Variants in PSD3 observed in about 807,000 individuals in gnomAD.
PSD3 encodes the protein pleckstrin and Sec7 domain containing 3.
In PSD3, 49 loss-of-function variants were observed where a neutral mutation model predicts 105.5. The ratio of observed to expected loss-of-function variants is 0.46; its 90% CI spans 0.37 to 0.59. The LOEUF is 0.59. Ranked by LOEUF, PSD3 falls within the 20% of genes least tolerant of loss-of-function variation. The probability of loss-of-function intolerance (pLI) is 0.00; values close to 1 mark genes in which losing one functional copy is unlikely to be tolerated. For synonymous variants in PSD3, 557 were observed against 457.8 expected (o/e 1.22, Z -2.77); for missense variants, 1,561 against 1,263.8 (o/e 1.24, Z -3.57).
intron 1 of PSD3, among the ~76,000 whole-genome samples, chr8:19,076,004 G>T (rs1013212634): frequency 1.3e-5 from 2 of 152,108 alleles, no homozygotes; most frequent in African/African-American, 4.8e-5. Flanking sequence ...CACAGGCTAC[G>T]AACACAAGGC....
intron 1 of PSD3, among the ~76,000 whole-genome samples, chr8:18,963,465 TTTC>T (rs2129471324): frequency 6.6e-6 from 1 of 152,338 alleles, no homozygotes; most frequent in South Asian, 2.1e-4. Flanking sequence ...TTTCTCTTTT[TTTC>T]TTATTTTATA....
chr8:18,759,448 C>T (rs1806332909), intron 9 of PSD3, among the ~76,000 whole-genome samples: 1 of 152,028 alleles, frequency 6.6e-6, no homozygotes, highest in South Asian at 2.1e-4. Flanking sequence ...ATATTTGGAA[C>T]ATTTTGTTTT....
At chr8:19,038,830 A>C (rs1292559351) in intron 1 of PSD3, among the ~76,000 whole-genome samples, 1 of 152,238 alleles carries the variant, frequency 6.6e-6, no homozygotes, top group Non-Finnish European at 1.5e-5. Context: ...TGGGCTAAGC[A>C]ATTAAAATAG....
chr8:18,841,999 C>T (rs558978812), intron 4 of PSD3, among the ~76,000 whole-genome samples: 1 of 152,280 alleles, frequency 6.6e-6, no homozygotes, highest in East Asian at 1.9e-4. Context: ...GTCACAGGAG[C>T]AGAAAGGCAG....
At chr8:18,725,011 T>A (rs1438098638) in intron 9 of PSD3, among the ~76,000 whole-genome samples, 1 of 152,176 alleles carries the variant, frequency 6.6e-6, no homozygotes, top group East Asian at 1.9e-4. Context: ...GTGAACAGAA[T>A]TCTACCATGT....
intron 9 of PSD3, among the ~76,000 whole-genome samples, chr8:18,707,064 T>C (rs982385094): frequency 2.0e-5 from 3 of 152,218 alleles, no homozygotes; most frequent in African/African-American, 7.2e-5. Flanking sequence ...TGCAATTCCA[T>C]GTTCCTATTA....
chr8:19,016,888 C>G (rs1236350554), upstream of PSD3, among the ~76,000 whole-genome samples: 1 of 152,086 alleles, frequency 6.6e-6, no homozygotes, highest in Non-Finnish European at 1.5e-5. Context: ...GACTCACTCT[C>G]TTAATAACAG....
rs138307823 is a variant in PSD3 at position 18,632,724 on chromosome 8, T to G, written c.2299A>C (p.Ile767Leu). Residue 767 changes from isoleucine to leucine, a missense_variant, in exon 11 of 16, where the codon ATT (isoleucine) becomes CTT (leucine). Ile to Leu is a conservative substitution (Grantham distance 5). Coordinates refer to ENST00000327040, the MANE Select transcript of PSD3 (RefSeq NM_015310.4). ...AAAAATGGGTTAGTAGTACTTCCAA[T>G]ACGACTGATGGTCTTTGGATGTGTT... Reference protein sequence around the residue: ...NGTHPKTISRIGSTTNPFLDI... With the variant: ...NGTHPKTISRLGSTTNPFLDI... The G allele has an allele frequency of 4.4e-6, 7 of 1,608,356 alleles. No individual in the cohort carries two copies. The highest frequency in any genetic ancestry group is 6.0e-6 in the Non-Finnish European group (7 of 1,175,166).
At chr8:19,032,575 G>A (rs1396437712) in intron 1 of PSD3, among the ~76,000 whole-genome samples, 1 of 151,128 alleles carries the variant, frequency 6.6e-6, no homozygotes, top group African/African-American at 2.4e-5. Flanking sequence ...GCTTGAGCTC[G>A]GGAGGCCAAG....
At chr8:18,842,050 G>C (rs960588177) in intron 4 of PSD3, among the ~76,000 whole-genome samples, 4 of 152,152 alleles carry the variant, frequency 2.6e-5, no homozygotes, top group African/African-American at 9.7e-5. Flanking sequence ...CAAAAACCCA[G>C]TAAGACCTCA....
chr8:19,058,601 G>A lies in PSD3; in HGVS notation c.324+25605C>T, dbSNP rs1449171587. 2.0e-5 allele frequency among the ~76,000 whole-genome samples: 3 copies of A among 151,988 alleles called. No homozygotes were observed. In the East Asian group the frequency reaches 5.8e-4, roughly 29 times the overall value. ...TGTATGATAATTTTTTTAAAAAAGT[G>A]TTGTCTACCCTACCAGCTAGGCCCA... On this transcript the variant is annotated intron_variant, in intron 1 of 1. Coordinates refer to the PSD3 transcript ENST00000521475.
chr8:18,984,143 T>G (rs1160459100), intron 1 of PSD3, among the ~76,000 whole-genome samples: 1 of 149,974 alleles, frequency 6.7e-6, no homozygotes, highest in Non-Finnish European at 1.5e-5. Flanking sequence ...AGTGGGAAAA[T>G]GATGCTGAAA....
chr8:18,716,928 T>C (rs1802638910), intron 9 of PSD3, among the ~76,000 whole-genome samples: 1 of 151,966 alleles, frequency 6.6e-6, no homozygotes, highest in Non-Finnish European at 1.5e-5. Flanking sequence ...CCAAGAGGAG[T>C]AGCCAAAGGT....
intron 9 of PSD3, among the ~76,000 whole-genome samples, chr8:18,742,830 C>A (rs1436448530): frequency 6.6e-6 from 1 of 152,172 alleles, no homozygotes; most frequent in African/African-American, 2.4e-5. Context: ...CCCATCCTTA[C>A]CTAGGTTATC....
intron 4 of PSD3, among the ~76,000 whole-genome samples, chr8:18,848,239 T>C (rs1291074661): frequency 6.6e-6 from 1 of 152,174 alleles, no homozygotes; most frequent in African/African-American, 2.4e-5. Context: ...CATCAGACAG[T>C]CTTCAGATGT....
intron 1 of PSD3, among the ~76,000 whole-genome samples, chr8:19,064,063 C>T (rs2129477685): frequency 6.6e-6 from 1 of 152,138 alleles, no homozygotes; most frequent in South Asian, 2.1e-4. Context: ...ATCACTTGAA[C>T]CTGGGAGGCA....
In PSD3 at chr8:18,752,000, C is replaced by A. The variant is rs1291122496; in HGVS notation, c.2172+13449G>T. Among the ~76,000 whole-genome samples the A allele has an allele frequency of 5.6e-5, 8 of 143,344 alleles. No individual in the cohort carries two copies. The East Asian group carries it at 1.7e-3, about 30-fold the overall frequency. The allele number at this position is 143,344 out of a possible 152,430, so 94.0% of individuals were successfully genotyped here. A position where few individuals can be genotyped will look rare whatever the true frequency, so the allele number is the denominator to read the frequency against. ...GACCAGCCTTGCCAACATGGTAAAA[C>A]CCTGTCTCTACTAAAAATACATAAA... On this transcript the variant is annotated intron_variant, in intron 9 of 15. Transcript: ENST00000327040.
At chr8:18,648,031 C>T (rs1271163116) in intron 10 of PSD3, among the ~76,000 whole-genome samples, 1 of 152,198 alleles carries the variant, frequency 6.6e-6, no homozygotes, top group African/African-American at 2.4e-5. Context: ...GCCAATTAAA[C>T]TTCTTTTTAT....
intron 1 of PSD3, among the ~76,000 whole-genome samples, chr8:18,971,250 G>C (rs779741458): frequency 3.9e-5 from 6 of 152,096 alleles, no homozygotes; most frequent in South Asian, 2.1e-4. Context: ...CCTGTCTCTG[G>C]GAGGGCCGGA....
Sources: gnomAD v4.1 joint callset for allele counts (sites outside exome capture counted in the v4.1 genomes callset) on GRCh38, gnomAD v4.1.1 for gene constraint, MANE v1.5 for transcripts, NCBI Gene and HGNC (gene_info 2026-07-23, HGNC 2026-07-21) for gene names.